LHFPL3: variants seen among roughly 807,000 people sequenced by gnomAD.
LHFPL3 encodes the protein LHFPL tetraspan subfamily member 3 protein.
LHFPL3 carries 5 observed loss-of-function variants against 19.3 expected under a neutral mutation model. The ratio of observed to expected loss-of-function variants is 0.26; its 90% CI spans 0.14 to 0.54. The LOEUF is 0.54. Ranked by LOEUF, LHFPL3 falls within the 20% of genes least tolerant of loss-of-function variation. The pLI is 0.94. For missense variants in LHFPL3, 249 were observed against 307.4 expected, an observed-to-expected ratio of 0.81 and a Z score of 1.42; for synonymous variants, 133 against 126.2, an observed-to-expected ratio of 1.05 and a Z score of -0.36.
Position 104,509,527 on chromosome 7 carries a change from C to T in LHFPL3, c.445+180303C>T, listed in dbSNP as rs1036555901. Among the ~76,000 whole-genome samples, 21 of 151,786 alleles carry T rather than the reference C, an allele frequency of 1.4e-4. 1 individual carries two copies. The highest frequency in any genetic ancestry group is 5.1e-4 in the African/African-American group (21 of 41,336). On this transcript the variant is annotated intron_variant, in intron 1 of 2. Coordinates refer to ENST00000424859, the MANE Select transcript of LHFPL3 (RefSeq NM_199000.3). ...TATAGAAAAAGCATTTGATAAAAGT[C>T]AACACCCATTCATGGTCTAAAAAAA...
At chr7:104,332,924 A>G (rs1801597644) in intron 1 of LHFPL3, among the ~76,000 whole-genome samples, 1 of 139,606 alleles carries the variant, frequency 7.2e-6, no homozygotes, top group South Asian at 2.5e-4. Context: ...CTAAATCTGT[A>G]GAAAGGCAAT....
At chr7:104,768,450 T>C (rs965313079) in intron 2 of LHFPL3, among the ~76,000 whole-genome samples, 5 of 152,272 alleles carry the variant, frequency 3.3e-5, no homozygotes, top group Non-Finnish European at 5.9e-5. Context: ...GGCTTGAGCC[T>C]GCCCTGTCAC....
intron 1 of LHFPL3, among the ~76,000 whole-genome samples, chr7:104,537,007 G>A (rs902544176): frequency 6.6e-6 from 1 of 152,170 alleles, no homozygotes; most frequent in African/African-American, 2.4e-5. Flanking sequence ...TTAGGTTGCA[G>A]AAGATGCTTC....
At chr7:104,770,582 T>C (rs1307283128) in intron 2 of LHFPL3, among the ~76,000 whole-genome samples, 1 of 152,164 alleles carries the variant, frequency 6.6e-6, no homozygotes, top group Non-Finnish European at 1.5e-5. Context: ...AGAGCAGAGA[T>C]TGGAATGTCA....
chr7:104,636,772 C>T (rs946173947), intron 1 of LHFPL3, among the ~76,000 whole-genome samples: 4 of 152,116 alleles, frequency 2.6e-5, no homozygotes, highest in African/African-American at 9.7e-5. Flanking sequence ...AAAACATTTT[C>T]TTTAGTCTAC....
intron 1 of LHFPL3, among the ~76,000 whole-genome samples, chr7:104,618,233 T>A (rs917875117): frequency 2.0e-5 from 3 of 152,208 alleles, no homozygotes; most frequent in African/African-American, 7.2e-5. Context: ...AAATGAAGAA[T>A]AATGACATTC....
chr7:104,403,278 G>A (rs552109290), intron 1 of LHFPL3, among the ~76,000 whole-genome samples: 10 of 152,334 alleles, frequency 6.6e-5, no homozygotes, highest in South Asian at 6.2e-4. Flanking sequence ...CACGGGCAAG[G>A]GTTGACCGTT....
chr7:104,364,284 T>C (rs1225512158), intron 1 of LHFPL3, among the ~76,000 whole-genome samples: 2 of 152,256 alleles, frequency 1.3e-5, no homozygotes, highest in Non-Finnish European at 2.9e-5. Context: ...TGTTTACTAG[T>C]AGTTGCCTTC....
At chr7:104,682,418 A>T (rs994775778) in intron 1 of LHFPL3, among the ~76,000 whole-genome samples, 6 of 152,226 alleles carry the variant, frequency 3.9e-5, no homozygotes, top group African/African-American at 1.4e-4. Context: ...TGACTCATAG[A>T]CACGTTAAAT....
At chr7:104,593,974 C>T (rs774478615) in intron 1 of LHFPL3, among the ~76,000 whole-genome samples, 2 of 152,054 alleles carry the variant, frequency 1.3e-5, no homozygotes, top group Non-Finnish European at 2.9e-5. Context: ...ATATAGCACA[C>T]TCATGAGTCT....
chr7:104,614,657 T>TTTTCTC (rs1791286075), intron 1 of LHFPL3, among the ~76,000 whole-genome samples: 1 of 82,422 alleles, frequency 1.2e-5, no homozygotes, highest in South Asian at 4.7e-4. Flanking sequence ...TCTTCTCTCC[T>TTTTCTC]TCCTTCCTTC....
intron 1 of LHFPL3, among the ~76,000 whole-genome samples, chr7:104,411,878 A>G (rs1280031990): frequency 6.6e-6 from 1 of 152,222 alleles, no homozygotes; most frequent in African/African-American, 2.4e-5. Flanking sequence ...GAAATGACAT[A>G]CCAAGCAAGT....
intron 1 of LHFPL3, among the ~76,000 whole-genome samples, chr7:104,610,587 T>G (rs913811444): frequency 6.6e-6 from 1 of 152,128 alleles, no homozygotes; most frequent in African/African-American, 2.4e-5. Context: ...AGTTCAAATC[T>G]GAGTCTGAAG....
chr7:104,601,590 G>A (rs1188039935), intron 1 of LHFPL3, among the ~76,000 whole-genome samples: 1 of 152,148 alleles, frequency 6.6e-6, no homozygotes, highest in Admixed American at 6.6e-5. Context: ...TAGCATTTGG[G>A]CCAAAATGTG....
chr7:104,875,318 G>A (rs956910596), intron 2 of LHFPL3, among the ~76,000 whole-genome samples: 6 of 151,946 alleles, frequency 3.9e-5, no homozygotes, highest in African/African-American at 1.2e-4. Context: ...CCTTGTCAAT[G>A]TCTCCCTGCA....
intron 2 of LHFPL3, among the ~76,000 whole-genome samples, chr7:104,900,844 C>A (rs1476479409): frequency 1.3e-5 from 2 of 152,210 alleles, no homozygotes; most frequent in Non-Finnish European, 2.9e-5. Flanking sequence ...ACTCCGAGCC[C>A]ATGACATGTT....
At chr7:104,698,243 A>C (rs1383722068) in intron 1 of LHFPL3, among the ~76,000 whole-genome samples, 1 of 152,236 alleles carries the variant, frequency 6.6e-6, no homozygotes, top group Non-Finnish European at 1.5e-5. Context: ...AAGAACAACA[A>C]AACAATAGCT....
chr7:104,835,934 G>C (rs1296844517), intron 2 of LHFPL3, among the ~76,000 whole-genome samples: 8 of 151,686 alleles, frequency 5.3e-5, no homozygotes, highest in Admixed American at 5.3e-4. Flanking sequence ...TCCCCAAATG[G>C]GAGGAGACAG....
intron 1 of LHFPL3, among the ~76,000 whole-genome samples, chr7:104,661,802 T>G (rs575799390): frequency 6.6e-6 from 1 of 152,240 alleles, no homozygotes; most frequent in Admixed American, 6.5e-5. Context: ...TTTTCCTTAT[T>G]ATGTCGAGAA....
Sources: gnomAD v4.1 joint callset for allele counts (sites outside exome capture counted in the v4.1 genomes callset) on GRCh38, gnomAD v4.1.1 for gene constraint, MANE v1.5 for transcripts, NCBI Gene and HGNC (gene_info 2026-07-23, HGNC 2026-07-21) for gene names.